INTS2: variants seen among roughly 807,000 people sequenced by gnomAD.
The protein encoded by INTS2 is integrator complex subunit 2, also known as KIAA1287.
INTS2 carries 57 observed loss-of-function variants against 139.6 expected under a neutral mutation model. The observed-to-expected ratio is 0.41, with a 90% CI of 0.33 to 0.51. INTS2 has a LOEUF of 0.51. Among genes scored for constraint, INTS2 ranks in the 20% least tolerant of loss-of-function variants. The pLI is 0.28. For synonymous variants in INTS2, 473 were observed against 493.4 expected, an observed-to-expected ratio of 0.96 and a Z score of 0.55; for missense variants, 1,196 against 1,436.7, an observed-to-expected ratio of 0.83 and a Z score of 2.71.
At position 61,926,469 on chromosome 17, in the gene INTS2, T is replaced by C. The variant is rs1423203709; in HGVS notation, c.176A>G (p.Asp59Gly). ...PADQSQSWAQDKKLILRLLSG... is the reference protein window; with the variant it reads ...PADQSQSWAQGKKLILRLLSG... ...AAGAAGGCGAAGGATGAGTTTCTTA[T>C]CCTGAGCCCAGCTTTGGCTCTGGTC... Residue 59 changes from aspartate (D) to glycine (G), a missense_variant, in exon 2 of 25, where the codon GAT (aspartate) becomes GGT (glycine). Physicochemically the swap from Asp to Gly is moderately conservative, Grantham distance 94. Transcript: ENST00000251334. 1 of 1,613,938 alleles carries C rather than the reference T, an allele frequency of 6.2e-7. No homozygotes were observed. Among genetic ancestry groups the C allele is most frequent in the Non-Finnish European group, 8.5e-7 (1 of 1,179,908 alleles).
At position 61,874,931 on chromosome 17, in the gene INTS2, C is replaced by T; in HGVS notation, c.2564G>A (p.Cys855Tyr). 1 of 1,595,010 alleles carries T rather than the reference C, an allele frequency of 6.3e-7. No individual in the cohort carries two copies. Among genetic ancestry groups the T allele is most frequent in the Non-Finnish European group, 8.5e-7 (1 of 1,170,004 alleles). Residue 855 changes from cysteine (C) to tyrosine (Y), a missense_variant, in exon 19 of 25, where the codon TGT (cysteine) becomes TAT (tyrosine). Cys to Tyr is a radical substitution (Grantham distance 194, BLOSUM62 -2). Transcript: ENST00000251334. Reference protein sequence around the residue: ...LMIDPLIVLRCDQRVHRCPPL... With the variant: ...LMIDPLIVLRYDQRVHRCPPL... ...CATGTACCTGTGAACCCTCTGATCA[C>T]ACCTTAGGACAATGAGAGGATCTAT... is the stretch of plus-strand genomic sequence containing the variant.
intron 12 of INTS2, among the ~76,000 whole-genome samples, chr17:61,894,667 C>T (rs369344906): frequency 5.1e-4 from 77 of 152,154 alleles, no homozygotes; most frequent in African/African-American, 1.8e-3. Flanking sequence ...GCCTGGTCAA[C>T]GTGGTAAAAC....
rs758377944 is a variant in INTS2, at chr17:61,877,937, C to A, written c.2406G>T (p.Leu802=). 4 of 1,613,746 alleles carry A rather than the reference C, an allele frequency of 2.5e-6. No individual in the cohort carries two copies. The highest frequency in any genetic ancestry group is 1.7e-5 in the Admixed American group (1 of 60,002). Reference sequence around the variant, plus strand: ...CCATCCATAGTTTATTGACTGTTTGCAGAATTCTCCGTGGAACCCCTGAAT... The same window carrying A: ...CCATCCATAGTTTATTGACTGTTTGAAGAATTCTCCGTGGAACCCCTGAAT... ...LLNSGVPRRI[L]QTVNKLWMVL... The change falls in exon 18 of 25, where the codon CTG becomes CTT. Residue 802 remains leucine (L), a synonymous_variant. Transcript: ENST00000251334.
intron 5 of INTS2, among the ~76,000 whole-genome samples, chr17:61,913,704 TA>T (rs1202533487): frequency 6.6e-6 from 1 of 152,004 alleles, no homozygotes; most frequent in African/African-American, 2.4e-5. Flanking sequence ...AAAAAGCCAG[TA>T]AAATTTGTTG....
At chr17:61,913,900 A>G (rs555795469) in intron 5 of INTS2, among the ~76,000 whole-genome samples, 33 of 152,304 alleles carry the variant, frequency 2.2e-4, no homozygotes, top group Non-Finnish European at 3.2e-4. Context: ...AACAAAAGTA[A>G]TAACAATTTG....
rs749599763 is a variant in INTS2, at chr17:61,868,021, A to C, written c.3245-12T>G. 1 of 1,547,206 alleles carries C rather than the reference A, an allele frequency of 6.5e-7. No homozygotes were observed. Among genetic ancestry groups the C allele is most frequent in the Admixed American group, 2.3e-5 (1 of 43,618 alleles). Reference sequence around the variant, plus strand: ...AGCCTGTGTTAAAACTGTTGGAAAAAAATGAAACAATATTTTAGTTTACAA... The same window carrying C: ...AGCCTGTGTTAAAACTGTTGGAAAACAATGAAACAATATTTTAGTTTACAA... On this transcript the variant is annotated splice_polypyrimidine_tract_variant and intron_variant, in intron 23 of 24. Coordinates refer to ENST00000251334, the MANE Select transcript of INTS2 (RefSeq NM_001351695.2). The surrounding 1 kb of genome is among the most constrained non-coding windows in gnomAD (Gnocchi z 4.7).
In INTS2 at chr17:61,904,568, G is replaced by C; in HGVS notation, c.1199C>G (p.Ala400Gly). The C allele has an allele frequency of 6.2e-7, 1 of 1,611,238 alleles. No homozygotes were observed. The highest frequency in any genetic ancestry group is 8.5e-7 in the Non-Finnish European group (1 of 1,178,846). ...CGTCATCAACTGCAGTAATTGCTCA[G>C]CTTCTTCTTCAGTTGGTCTAAAAAG... ...IAGLKPTEEE[A>G]EQLLQLMTSR... is the part of the protein sequence containing the mutation. Residue 400 changes from alanine (A) to glycine (G), a missense_variant, in exon 9 of 25, where the codon GCT (alanine) becomes GGT (glycine). Around this residue, in one of 3 missense-constraint regions of INTS2, gnomAD observed 1,129 missense variants for 1,341.9 expected, o/e 0.84. Transcript: ENST00000251334.
chr17:61,872,093 ATC>A lies in INTS2; in HGVS notation c.2778+170_2778+171del, dbSNP rs1420202274. On this transcript the variant is annotated intron_variant, in intron 20 of 24. Coordinates refer to ENST00000251334, the MANE Select transcript of INTS2 (RefSeq NM_001351695.2). This position sits in a 1 kb window ranked among gnomAD's most constrained non-coding sequence, Gnocchi z 4.8. ...ATTCCTGATTTCAGAAATACAACATATCTGATACTCAGAAGCAAAGGTAACAT... is the reference window on the plus strand; with the variant it reads ...ATTCCTGATTTCAGAAATACAACATATGATACTCAGAAGCAAAGGTAACAT... 9.0e-6 allele frequency: 4 copies of A among 443,962 alleles called. No individual in the cohort carries two copies. Among genetic ancestry groups the A allele is most frequent in the African/African-American group, 7.8e-5 (4 of 50,976 alleles). 27.5% of individuals were successfully genotyped at this position (443,962 alleles called of 1,614,324 possible).
intron 8 of INTS2, among the ~76,000 whole-genome samples, chr17:61,904,879 T>G (rs1198269325): frequency 6.6e-6 from 1 of 151,932 alleles, no homozygotes; most frequent in Non-Finnish European, 1.5e-5. Context: ...TGGTGAAAAG[T>G]ATGGTTGTAC....
Position 61,911,527 on chromosome 17 carries a change from C to G in INTS2, c.947G>C (p.Gly316Ala). 6.2e-7 allele frequency: 1 copy of G among 1,613,900 alleles called. No individual in the cohort carries two copies. Among genetic ancestry groups the G allele is most frequent in the Non-Finnish European group, 8.5e-7 (1 of 1,179,836 alleles). ...RTWFGTFIRN[G>A]QQRKRETSSS... is the part of the protein sequence containing the mutation. Reference sequence around the variant, plus strand: ...CAGATATTTAACCCTCACCTGCTGTCCATTTCGGATAAAAGTTCCAAACCA... The same window carrying G: ...CAGATATTTAACCCTCACCTGCTGTGCATTTCGGATAAAAGTTCCAAACCA... The change falls in exon 7 of 25, where the codon GGA (glycine) becomes GCA (alanine). Residue 316 changes from glycine (G) to alanine (A), a missense_variant. Around this residue, in one of 3 missense-constraint regions of INTS2, gnomAD observed 1,129 missense variants for 1,341.9 expected, o/e 0.84. Transcript: ENST00000251334.
intron 8 of INTS2, among the ~76,000 whole-genome samples, chr17:61,905,999 T>C (rs1231268050): frequency 1.3e-5 from 2 of 152,206 alleles, no homozygotes; most frequent in Non-Finnish European, 2.9e-5. Context: ...GCCTGGCCTA[T>C]GCTTTCATCT....
intron 7 of INTS2, 172 bp downstream of exon 7, chr17:61,911,348 A>C (rs913944262): frequency 8.5e-6 from 4 of 472,104 alleles, no homozygotes; most frequent in African/African-American, 8.0e-5. Flanking sequence ...AAAGCCACAT[A>C]AACAAAAGCT....
At chr17:61,878,833 G>A (rs12603627) in intron 17 of INTS2, among the ~76,000 whole-genome samples, 3 of 145,324 alleles carry the variant, frequency 2.1e-5, no homozygotes, top group South Asian at 2.2e-4. Flanking sequence ...CCAGGTACTC[G>A]AGAGGAAGAT....
intron 15 of INTS2, 138 bp downstream of exon 15, chr17:61,889,648 G>T: frequency 1.8e-6 from 1 of 546,756 alleles, no homozygotes; most frequent in Non-Finnish European, 3.3e-6. Context: ...AGTATACAAT[G>T]CCCACATTGC....
At chr17:61,877,291 G>A (rs2145907272) in intron 18 of INTS2, among the ~76,000 whole-genome samples, 1 of 152,284 alleles carries the variant, frequency 6.6e-6, no homozygotes, top group African/African-American at 2.4e-5. Flanking sequence ...AAATACAAAG[G>A]TGTGAGGCAG....
At chr17:61,905,476 G>A (rs984548834) in intron 8 of INTS2, among the ~76,000 whole-genome samples, 6 of 152,032 alleles carry the variant, frequency 3.9e-5, no homozygotes, top group Admixed American at 6.6e-5. Context: ...ACAGGCACAC[G>A]CCATCATTCC....
chr17:61,926,126 G>A (rs1169111424), intron 2 of INTS2, among the ~76,000 whole-genome samples: 1 of 152,098 alleles, frequency 6.6e-6, no homozygotes, highest in South Asian at 2.1e-4. Flanking sequence ...TTGGCCTAAT[G>A]AGTTTAGCCC....
rs1427237762 is a variant in INTS2 at position 61,868,864 on chromosome 17, T to C, written c.3244+170A>G. ...TATAAATCACATTTGTAAACAGAAG[T>C]TTCCAAAAGAAGAATTCAAAAGACG... On this transcript the variant is annotated intron_variant, in intron 23 of 24. Transcript: ENST00000251334. The surrounding 1 kb of genome is among the most constrained non-coding windows in gnomAD (Gnocchi z 4.7). Among the ~76,000 whole-genome samples, 2 of 152,160 alleles carry C rather than the reference T, an allele frequency of 1.3e-5. No individual in the cohort carries two copies. Among genetic ancestry groups the C allele is most frequent in the Non-Finnish European group, 2.9e-5 (2 of 68,000 alleles).
intron 5 of INTS2, among the ~76,000 whole-genome samples, chr17:61,912,332 C>G (rs1249063984): frequency 1.4e-5 from 2 of 141,386 alleles, no homozygotes; most frequent in Admixed American, 8.0e-5. Flanking sequence ...GACAGTGGCT[C>G]ACACCTGTAA....
Sources: gnomAD v4.1 joint callset for allele counts (sites outside exome capture counted in the v4.1 genomes callset) on GRCh38, gnomAD v4.1.1 for gene constraint, gnomAD v4.1.1 regional missense constraint, Gnocchi (gnomAD v3.1) non-coding constraint, MANE v1.5 for transcripts, NCBI Gene and HGNC (gene_info 2026-07-23, HGNC 2026-07-21) for gene names.